Variants in PPARD observed in about 807,000 individuals in gnomAD.
PPARD encodes the protein peroxisome proliferator-activated receptor delta.
PPARD carries 6 observed loss-of-function variants against 39.5 expected under a neutral mutation model. The ratio of observed to expected loss-of-function variants is 0.15; its 90% CI spans 0.08 to 0.30. The LOEUF (loss-of-function observed/expected upper bound fraction) is 0.30. PPARD is among the 10% of genes least tolerant of loss of function. The probability of loss-of-function intolerance (pLI) is 1.00; values close to 1 mark genes in which losing one functional copy is unlikely to be tolerated. For synonymous variants in PPARD, 210 were observed against 231.3 expected (o/e 0.91, Z 0.83); for missense variants, 397 against 596.8 (o/e 0.67, Z 3.49).
chr6:35,384,266 T>C (rs1469646454), intron 2 of PPARD, among the ~76,000 whole-genome samples: 1 of 81,884 alleles, frequency 1.2e-5, no homozygotes, highest in East Asian at 3.6e-4. Context: ...GGGAGGTAGG[T>C]TCAGCCCCCC....
At chr6:35,395,047 A>G (rs1485760161) in intron 2 of PPARD, among the ~76,000 whole-genome samples, 1 of 152,066 alleles carries the variant, frequency 6.6e-6, no homozygotes, top group Non-Finnish European at 1.5e-5. Flanking sequence ...CTCAGCACTA[A>G]TGCTCTCTCC....
intron 2 of PPARD, among the ~76,000 whole-genome samples, chr6:35,356,023 C>T (rs1453019694): frequency 6.6e-6 from 1 of 152,010 alleles, no homozygotes; most frequent in Non-Finnish European, 1.5e-5. Flanking sequence ...GCCTCATGGT[C>T]ACCTCAGCAG....
intron 2 of PPARD, among the ~76,000 whole-genome samples, chr6:35,408,465 TG>T (rs1765203807): frequency 6.6e-6 from 1 of 152,234 alleles, no homozygotes; most frequent in African/African-American, 2.4e-5. Flanking sequence ...GGACAGCACC[TG>T]TGAACATTTC....
At chr6:35,364,326 C>T (rs1191130650) in intron 2 of PPARD, among the ~76,000 whole-genome samples, 1 of 151,916 alleles carries the variant, frequency 6.6e-6, no homozygotes, top group African/African-American at 2.4e-5. Flanking sequence ...CATTTTTTGA[C>T]TGCTGTGAAC....
chr6:35,395,801 C>T (rs1194072012), intron 2 of PPARD, among the ~76,000 whole-genome samples: 3 of 152,136 alleles, frequency 2.0e-5, no homozygotes, highest in Non-Finnish European at 2.9e-5. Context: ...TTACTGGCTC[C>T]CGGCTCCCAG....
At chr6:35,394,256 C>T (rs1025119617) in intron 2 of PPARD, among the ~76,000 whole-genome samples, 13 of 152,180 alleles carry the variant, frequency 8.5e-5, no homozygotes, top group African/African-American at 2.7e-4. Context: ...CTGTTTTCTT[C>T]GGCTGTATGT....
intron 4 of PPARD, among the ~76,000 whole-genome samples, chr6:35,420,931 A>T (rs541607396): frequency 7.0e-6 from 1 of 143,266 alleles, no homozygotes; most frequent in East Asian, 2.1e-4. Flanking sequence ...GGTTCAGGAG[A>T]TTCTCCTGCC....
In PPARD at chr6:35,416,374, CAAAAAAAAAAAAAAAAAAAAAAAAAA is replaced by C. The variant is rs1170617869; in HGVS notation, c.131-3742_131-3717del. ...GGGGAACAAAAGCGAGACTTCATCT[CAAAAAAAAAAAAAAAAAAAAAAAAAA>C]AAAAAAAAAACACCTTCTTAGCACA... On this transcript the variant is annotated intron_variant, in intron 3 of 7. Coordinates refer to ENST00000360694, the MANE Select transcript of PPARD (RefSeq NM_006238.5). 2.5e-4 allele frequency among the ~76,000 whole-genome samples: 13 copies of C among 52,614 alleles called. No individual in the cohort carries two copies. In the East Asian group the frequency reaches 0.011, roughly 43 times the overall value. The allele number at this position is 52,614 out of a possible 152,430, so 34.5% of individuals were successfully genotyped here.
chr6:35,416,577 T>G (rs958579621), intron 3 of PPARD, among the ~76,000 whole-genome samples: 16 of 152,066 alleles, frequency 1.1e-4, no homozygotes, highest in Admixed American at 9.2e-4. Flanking sequence ...CTTGAAAGGT[T>G]GTTTTGAGGT....
chr6:35,393,088 A>T (rs770524863), intron 2 of PPARD, among the ~76,000 whole-genome samples: 1 of 152,128 alleles, frequency 6.6e-6, no homozygotes, highest in Non-Finnish European at 1.5e-5. Context: ...GGCCAAATTC[A>T]GGGCCAGGAC....
At chr6:35,362,462 T>C (rs927187432) in intron 2 of PPARD, among the ~76,000 whole-genome samples, 7 of 151,224 alleles carry the variant, frequency 4.6e-5, no homozygotes, top group Non-Finnish European at 1.0e-4. Context: ...TTTTTTTCCT[T>C]CCATACAAAT....
chr6:35,359,856 T>G (rs1046233518), intron 2 of PPARD, among the ~76,000 whole-genome samples: 117 of 152,286 alleles, frequency 7.7e-4, no homozygotes, highest in African/African-American at 2.7e-3. Flanking sequence ...GAAAATTGCC[T>G]AAAGTTGCAC....
At chr6:35,355,832 C>T (rs574541311) in intron 2 of PPARD, among the ~76,000 whole-genome samples, 1 of 151,602 alleles carries the variant, frequency 6.6e-6, no homozygotes, top group Admixed American at 6.6e-5. Flanking sequence ...AGGATGGTCT[C>T]GATCTCCTGA....
chr6:35,357,553 T>G (rs1004925620), intron 2 of PPARD, among the ~76,000 whole-genome samples: 1 of 151,960 alleles, frequency 6.6e-6, no homozygotes, highest in Non-Finnish European at 1.5e-5. Flanking sequence ...TTTTTTTTTT[T>G]TTTAAGACAG....
intron 2 of PPARD, among the ~76,000 whole-genome samples, chr6:35,373,629 C>G (rs1407787523): frequency 1.3e-5 from 2 of 151,788 alleles, no homozygotes; most frequent in East Asian, 3.9e-4. Context: ...TATGACTGTT[C>G]TTCACTCTAC....
rs147186171 is a variant in PPARD, at chr6:35,408,138, G to A, written c.-101-2849G>A. On this transcript the variant is annotated intron_variant, in intron 2 of 7. Transcript: ENST00000360694. ...CTCCTACCCTGTCTTCTGCTGCTCC[G>A]AAGGCAGCTGCTACACCTCTAGGCA... is the stretch of plus-strand genomic sequence containing the variant. Among the ~76,000 whole-genome samples, 82 of 152,276 alleles carry A rather than the reference G, an allele frequency of 5.4e-4. 1 individual carries two copies. In the South Asian group the frequency reaches 0.01, roughly 19 times the overall value.
chr6:35,409,910 A>C (rs1308188538), intron 2 of PPARD, among the ~76,000 whole-genome samples: 1 of 152,224 alleles, frequency 6.6e-6, no homozygotes, highest in Non-Finnish European at 1.5e-5. Context: ...GGATGGGACC[A>C]GGCATCTGTC....
intron 2 of PPARD, among the ~76,000 whole-genome samples, chr6:35,365,182 G>GA (rs1762143639): frequency 7.2e-6 from 1 of 138,082 alleles, no homozygotes; most frequent in African/African-American, 3.0e-5. Context: ...ACCCAGGCTG[G>GA]AGTGCAGTGG....
At chr6:35,413,926 G>A (rs1379604632) in intron 3 of PPARD, among the ~76,000 whole-genome samples, 5 of 151,968 alleles carry the variant, frequency 3.3e-5, no homozygotes, top group Non-Finnish European at 4.4e-5. Context: ...TGATCCTCCC[G>A]CCTCGGCCTC....
Sources: gnomAD v4.1 joint callset for allele counts (sites outside exome capture counted in the v4.1 genomes callset) on GRCh38, gnomAD v4.1.1 for gene constraint, MANE v1.5 for transcripts, NCBI Gene and HGNC (gene_info 2026-07-23, HGNC 2026-07-21) for gene names.